Variants in XIRP2 observed in about 807,000 individuals in gnomAD.
XIRP2 encodes xin actin-binding repeat-containing protein 2.
In XIRP2, 236 loss-of-function variants were observed where a neutral mutation model predicts 277.0. That is an observed-to-expected ratio of 0.85 (90% CI 0.77 to 0.95). The LOEUF is 0.95. Among genes scored for constraint, XIRP2 ranks in the 40% least tolerant of loss-of-function variants. XIRP2 has a pLI of 0.00. For synonymous variants in XIRP2, 1,490 were observed against 1,416.5 expected, an observed-to-expected ratio of 1.05 and a Z score of -1.17; for missense variants, 4,640 against 4,157.5, an observed-to-expected ratio of 1.12 and a Z score of -3.19.
chr2:167,049,938 A>C (rs1048243716), intron 2 of XIRP2, among the ~76,000 whole-genome samples: 16 of 152,094 alleles, frequency 1.1e-4, no homozygotes, highest in African/African-American at 3.9e-4. Flanking sequence ...TACAAGATAA[A>C]GAATTTAAGA....
At chr2:166,967,649 G>A (rs1188325719) in intron 2 of XIRP2, among the ~76,000 whole-genome samples, 1 of 151,892 alleles carries the variant, frequency 6.6e-6, no homozygotes, top group Non-Finnish European at 1.5e-5. Flanking sequence ...GTATAAATAT[G>A]TGATTTTCTA....
chr2:167,074,414 C>A (rs955544982), intron 2 of XIRP2, among the ~76,000 whole-genome samples: 16 of 151,846 alleles, frequency 1.1e-4, no homozygotes, highest in African/African-American at 3.9e-4. Context: ...GAATGAATAA[C>A]AAAGTTATTT....
intron 3 of XIRP2, among the ~76,000 whole-genome samples, chr2:167,155,534 C>T (rs1692167857): frequency 6.6e-6 from 1 of 152,086 alleles, no homozygotes; most frequent in Non-Finnish European, 1.5e-5. Flanking sequence ...AGGCCTTTGA[C>T]AAAATTCAAC....
intron 3 of XIRP2, among the ~76,000 whole-genome samples, chr2:167,150,471 T>TTTTA (rs1691985017): frequency 6.9e-6 from 1 of 144,862 alleles, no homozygotes; most frequent in African/African-American, 2.8e-5. Flanking sequence ...GCAGTATTGG[T>TTTTA]TTTATTAGAA....
At chr2:166,891,814 A>G (rs920862538) in intron 1 of XIRP2, among the ~76,000 whole-genome samples, 1 of 152,182 alleles carries the variant, frequency 6.6e-6, no homozygotes, top group African/African-American at 2.4e-5. Context: ...TATAAACATA[A>G]TCCTTGGGAT....
chr2:166,973,218 A>C (rs1442957158), intron 2 of XIRP2, among the ~76,000 whole-genome samples: 1 of 152,206 alleles, frequency 6.6e-6, no homozygotes, highest in Non-Finnish European at 1.5e-5. Context: ...TAAGGAAGAA[A>C]TATTAAGTCA....
intron 2 of XIRP2, among the ~76,000 whole-genome samples, chr2:166,939,450 G>C (rs1244160482): frequency 2.0e-5 from 3 of 151,968 alleles, no homozygotes; most frequent in Non-Finnish European, 4.4e-5. Context: ...GGAGGCTGAG[G>C]CGGGCGGATC....
intron 1 of XIRP2, 56 bp downstream of exon 1, chr2:166,888,613 C>G (rs1241460992): frequency 6.6e-6 from 1 of 152,136 alleles, no homozygotes; most frequent in Non-Finnish European, 1.5e-5. Context: ...CACATACATG[C>G]TTCTCTTTGA....
chr2:167,044,473 C>T (rs34197104), intron 2 of XIRP2, among the ~76,000 whole-genome samples: 25,975 of 151,990 alleles, frequency 0.17, 2,472 homozygotes, highest in Middle Eastern at 0.33. Context: ...GGAAGAGAGG[C>T]AGTCAAACTG....
chr2:166,968,686 GT>G (rs1411071645), intron 2 of XIRP2, among the ~76,000 whole-genome samples: 1 of 151,846 alleles, frequency 6.6e-6, no homozygotes, highest in African/African-American at 2.4e-5. Flanking sequence ...GATCTTCTCT[GT>G]TTTCAAGAGT....
chr2:166,963,432 C>T (rs185658277), intron 2 of XIRP2, among the ~76,000 whole-genome samples: 1 of 151,764 alleles, frequency 6.6e-6, no homozygotes, highest in Non-Finnish European at 1.5e-5. Flanking sequence ...AAGTAAATAA[C>T]TAGGGTAATT....
intron 3 of XIRP2, among the ~76,000 whole-genome samples, chr2:167,199,023 A>G (rs1237891699): frequency 1.3e-5 from 2 of 152,228 alleles, no homozygotes; most frequent in Admixed American, 6.5e-5. Flanking sequence ...AATACATTTT[A>G]TTATTCAAAC....
intron 2 of XIRP2, among the ~76,000 whole-genome samples, chr2:166,951,832 G>A (rs1297513626): frequency 2.0e-5 from 3 of 151,892 alleles, no homozygotes; most frequent in African/African-American, 2.4e-5. Context: ...TGCTCCTAAC[G>A]AGCACATGCT....
At chr2:167,220,708 A>G (rs1357313673) in intron 5 of XIRP2, among the ~76,000 whole-genome samples, 2 of 152,218 alleles carry the variant, frequency 1.3e-5, no homozygotes, top group Non-Finnish European at 2.9e-5. Context: ...CATGCTCCTT[A>G]CATATCTAAT....
At position 166,935,067 on chromosome 2, in the gene XIRP2, C is replaced by T. The variant is rs141574354; in HGVS notation, c.408+31177C>T. Among the ~76,000 whole-genome samples the T allele has an allele frequency of 1.8e-3, 267 of 150,486 alleles. 1 individual carries two copies. Among genetic ancestry groups the T allele is most frequent in the African/African-American group, 6.4e-3 (262 of 41,074 alleles). ...AAGCACAATGTGTGTGTAGATGCTT[C>T]GACAGTCAGCATTTATTAAATACTT... is the stretch of plus-strand genomic sequence containing the variant. On this transcript the variant is annotated intron_variant, in intron 2 of 10. Transcript: ENST00000409195.
At chr2:166,912,085 C>T (rs1246467999) in intron 2 of XIRP2, among the ~76,000 whole-genome samples, 1 of 152,088 alleles carries the variant, frequency 6.6e-6, no homozygotes, top group Non-Finnish European at 1.5e-5. Context: ...AATTATGTGT[C>T]TTGGAGTTGC....
At chr2:167,071,930 C>T (rs7581050) in intron 2 of XIRP2, among the ~76,000 whole-genome samples, 44,213 of 151,946 alleles carry the variant, frequency 0.29, 8,615 homozygotes, top group African/African-American at 0.55. Flanking sequence ...GCTAGCATCA[C>T]CCTACAGGTG....
intron 2 of XIRP2, among the ~76,000 whole-genome samples, chr2:167,071,132 C>T (rs1689427442): frequency 6.6e-6 from 1 of 152,112 alleles, no homozygotes; most frequent in Non-Finnish European, 1.5e-5. Context: ...TAGCACTCTC[C>T]TAAGACTTGG....
At chr2:167,041,750 G>T (rs1688665207) in intron 2 of XIRP2, among the ~76,000 whole-genome samples, 1 of 152,160 alleles carries the variant, frequency 6.6e-6, no homozygotes, top group Non-Finnish European at 1.5e-5. Context: ...GAGGGCACGT[G>T]TGCAACTTGG....
Sources: gnomAD v4.1 joint callset for allele counts (sites outside exome capture counted in the v4.1 genomes callset) on GRCh38, gnomAD v4.1.1 for gene constraint, MANE v1.5 for transcripts, NCBI Gene and HGNC (gene_info 2026-07-23, HGNC 2026-07-21) for gene names.